NRXN3: variants seen among roughly 807,000 people sequenced by gnomAD.
NRXN3 encodes neurexin III.
Under a neutral mutation model 137.6 loss-of-function variants are expected in NRXN3, and 32 were observed. That is an observed-to-expected ratio of 0.23 (90% CI 0.18 to 0.31). NRXN3 has a LOEUF of 0.31. Ranked by LOEUF, NRXN3 falls within the 10% of genes least tolerant of loss-of-function variation. The pLI, the probability that NRXN3 is intolerant of heterozygous loss-of-function variation, is 1.00. For synonymous variants in NRXN3, 798 were observed against 784.5 expected (o/e 1.02, Z -0.29); for missense variants, 1,574 against 2,062.5 (o/e 0.76, Z 4.59).
rs1204758708 is a variant in NRXN3, at chr14:78,243,199, C to T, written c.106C>T (p.Gln36Ter). The T allele has an allele frequency of 6.5e-7, 1 of 1,545,606 alleles. No homozygotes were observed. The highest frequency in any genetic ancestry group is 1.4e-5 in the African/African-American group (1 of 73,548). Residue 36 changes from glutamine (Q) to a stop codon, truncating the protein, a stop_gained, in exon 2 of 21, where the codon CAG becomes TAG. Transcript: ENST00000335750. LOFTEE classifies it high-confidence loss of function. This position sits in a 1 kb window ranked among gnomAD's most constrained non-coding sequence, Gnocchi z 4.2. ...LGLEFMGLPNQWARYLRWDAS... is the reference protein window; with the variant it reads ...LGLEFMGLPN ...CCTTGAGTTCATGGGCCTCCCCAAC[C>T]AGTGGGCCCGCTACCTCCGCTGGGA...
intron 10 of NRXN3, among the ~76,000 whole-genome samples, chr14:78,837,241 G>T (rs1420322169): frequency 6.6e-6 from 1 of 152,176 alleles, no homozygotes; most frequent in African/African-American, 2.4e-5. Context: ...CAGTCCAGAA[G>T]CAAATTACTT....
intron 5 of NRXN3, among the ~76,000 whole-genome samples, chr14:78,646,636 T>A (rs1159872641): frequency 1.3e-5 from 2 of 152,234 alleles, no homozygotes; most frequent in South Asian, 4.1e-4. Flanking sequence ...TTTCCACACT[T>A]AGGTATGTCA....
intron 4 of NRXN3, among the ~76,000 whole-genome samples, chr14:78,323,991 A>G (rs1018473694): frequency 6.6e-6 from 1 of 152,056 alleles, no homozygotes; most frequent in African/African-American, 2.4e-5. Flanking sequence ...CATCCTTGCA[A>G]CAACACTATG....
intron 10 of NRXN3, among the ~76,000 whole-genome samples, chr14:78,942,542 C>A (rs1269964882): frequency 2.0e-5 from 3 of 151,872 alleles, no homozygotes; most frequent in Non-Finnish European, 4.4e-5. Flanking sequence ...GGAGTAGTAC[C>A]AGGAACGTAG....
chr14:79,741,098 T>G (rs2098961643), intron 19 of NRXN3, among the ~76,000 whole-genome samples: 2 of 152,110 alleles, frequency 1.3e-5, no homozygotes, highest in South Asian at 4.1e-4. Context: ...TGTTGGATGA[T>G]TTAATTGACG....
intron 15 of NRXN3, among the ~76,000 whole-genome samples, chr14:79,422,361 C>G (rs1371080344): frequency 6.6e-6 from 1 of 152,118 alleles, no homozygotes; most frequent in Admixed American, 6.6e-5. Context: ...CCAGGCCCAG[C>G]CCATGGTGTT....
intron 9 of NRXN3, among the ~76,000 whole-genome samples, chr14:78,810,110 T>A (rs1208420334): frequency 6.6e-6 from 1 of 152,020 alleles, no homozygotes; most frequent in Non-Finnish European, 1.5e-5. Context: ...TATGTGTGTG[T>A]GTGTATATAT....
chr14:79,236,769 G>A (rs1218557240), intron 15 of NRXN3, among the ~76,000 whole-genome samples: 2 of 151,920 alleles, frequency 1.3e-5, no homozygotes, highest in Non-Finnish European at 2.9e-5. Context: ...TTTATAATTA[G>A]CCAGGCATGG....
intron 15 of NRXN3, among the ~76,000 whole-genome samples, chr14:79,073,961 AAC>A (rs1239640824): frequency 6.6e-6 from 1 of 152,214 alleles, no homozygotes; most frequent in Non-Finnish European, 1.5e-5. Context: ...AAATCTCTGT[AAC>A]ACACGTAGAA....
intron 16 of NRXN3, among the ~76,000 whole-genome samples, chr14:79,513,458 G>C (rs994801535): frequency 6.6e-6 from 1 of 152,194 alleles, no homozygotes; most frequent in Non-Finnish European, 1.5e-5. Flanking sequence ...GGTACAGTGA[G>C]GGAATAATCT....
intron 16 of NRXN3, among the ~76,000 whole-genome samples, chr14:79,508,390 A>ATTTCTGATTTTTTTTTTTTTTTTTTTTTT (rs1555494789): frequency 2.1e-4 from 10 of 48,228 alleles, no homozygotes; most frequent in African/African-American, 6.6e-4. Context: ...ACAATAACTG[A>ATTTCTGATTTTTTTTTTTTTTTTTTTTTT]TTTTTTTTTT....
At position 78,658,169 on chromosome 14, in the gene NRXN3, C is replaced by A. The variant is rs185727034; in HGVS notation, c.1221+6843C>A. Among the ~76,000 whole-genome samples the A allele has an allele frequency of 3.8e-3, 580 of 152,212 alleles. 4 individuals are homozygous for A. Among genetic ancestry groups the A allele is most frequent in the Middle Eastern group, 0.017 (5 of 294 alleles). On this transcript the variant is annotated intron_variant, in intron 6 of 20. Transcript: ENST00000335750. ...ACTGTGCAGCGTAGGGCTAGTAAAA[C>A]CCAAGTGAGGCTTTTAGAATCAACA...
At chr14:78,364,513 T>A (rs993720295) in intron 4 of NRXN3, among the ~76,000 whole-genome samples, 1 of 152,210 alleles carries the variant, frequency 6.6e-6, no homozygotes, top group Non-Finnish European at 1.5e-5. Flanking sequence ...TTTTTACCTA[T>A]TTTTATATGT....
chr14:79,110,150 G>GA (rs1001631464), intron 15 of NRXN3, among the ~76,000 whole-genome samples: 3 of 152,028 alleles, frequency 2.0e-5, no homozygotes, highest in East Asian at 3.9e-4. Context: ...GTTGCAATGG[G>GA]AAAAAAATTC....
At chr14:78,666,574 G>A (rs966539720) in intron 6 of NRXN3, among the ~76,000 whole-genome samples, 2 of 152,176 alleles carry the variant, frequency 1.3e-5, no homozygotes, top group South Asian at 2.1e-4. Flanking sequence ...AAAGTGAGAT[G>A]TGATCTTTCT....
At position 79,174,819 on chromosome 14, in the gene NRXN3, G is replaced by C. The variant is rs535806814; in HGVS notation, c.3262+186678G>C. On this transcript the variant is annotated intron_variant, in intron 15 of 20. Transcript: ENST00000335750. ...AATGTATTGTTAAGTGAGGAAATGA[G>C]ATAGTAATGGAGAAAGATAAGAATG... 2.6e-5 allele frequency among the ~76,000 whole-genome samples: 4 copies of C among 152,048 alleles called. No individual in the cohort carries two copies. The South Asian group carries it at 8.3e-4, about 32-fold the overall frequency.
At chr14:79,111,524 A>G (rs954954577) in intron 15 of NRXN3, among the ~76,000 whole-genome samples, 1 of 152,108 alleles carries the variant, frequency 6.6e-6, no homozygotes, top group Admixed American at 6.5e-5. Flanking sequence ...AGATCACCTG[A>G]GGTCAGGAGT....
rs79767249 is a variant in NRXN3, at chr14:78,986,556, T to A, written c.3143-1466T>A. On this transcript the variant is annotated intron_variant, in intron 14 of 20. Coordinates refer to ENST00000335750, the MANE Select transcript of NRXN3 (RefSeq NM_001330195.2). ...AGAATGCCTTCAAAATAGGTAAATT[T>A]ACTTGTAAGTTATATACATGTACTA... Among the ~76,000 whole-genome samples the A allele has an allele frequency of 7.8e-4, 119 of 152,314 alleles. 1 individual carries two copies. The East Asian group carries it at 0.022, about 28-fold the overall frequency.
intron 15 of NRXN3, among the ~76,000 whole-genome samples, chr14:78,996,108 A>G (rs1341769238): frequency 1.3e-5 from 2 of 151,978 alleles, no homozygotes; most frequent in Non-Finnish European, 2.9e-5. Flanking sequence ...TTTTTCCCCT[A>G]ACTTTTGCCC....
Sources: gnomAD v4.1 joint callset for allele counts (sites outside exome capture counted in the v4.1 genomes callset) on GRCh38, gnomAD v4.1.1 for gene constraint, Gnocchi (gnomAD v3.1) non-coding constraint, MANE v1.5 for transcripts, NCBI Gene and HGNC (gene_info 2026-07-23, HGNC 2026-07-21) for gene names.